The following PRDM1 variants were observed in gnomAD, a reference collection of about 807,000 sequenced individuals.
PRDM1 encodes PR domain zinc finger protein 1.
Under a neutral mutation model 62.8 loss-of-function variants are expected in PRDM1, and 13 were observed. That is an observed-to-expected ratio of 0.21 (90% confidence interval 0.13 to 0.33). The LOEUF is 0.33. Among genes scored for constraint, PRDM1 ranks in the 10% least tolerant of loss-of-function variants. The pLI is 1.00. For synonymous variants in PRDM1, 396 were observed against 417.6 expected, an observed-to-expected ratio of 0.95 and a Z score of 0.63; for missense variants, 895 against 1,058.8, an observed-to-expected ratio of 0.85 and a Z score of 2.15.
At chr6:106,015,486 T>A (rs1772607610) in intron 1 of PRDM1, among the ~76,000 whole-genome samples, 2 of 152,120 alleles carry the variant, frequency 1.3e-5, no homozygotes, top group African/African-American at 4.8e-5. Context: ...ATGCCACCTT[T>A]TGTATGAGAA....
chr6:106,050,120 G>A (rs1773149286), intron 1 of PRDM1, among the ~76,000 whole-genome samples: 1 of 152,180 alleles, frequency 6.6e-6, no homozygotes, highest in African/African-American at 2.4e-5. Context: ...CTGGGCCTCT[G>A]CTTCTATTTC....
upstream of PRDM1, among the ~76,000 whole-genome samples, chr6:106,047,759 T>C (rs903297472): frequency 6.6e-6 from 1 of 152,206 alleles, no homozygotes. Context: ...AACTAGGAGT[T>C]GAGAACCTTT....
chr6:106,092,487 TC>T (rs1279077729), intron 2 of PRDM1, among the ~76,000 whole-genome samples: 2 of 152,214 alleles, frequency 1.3e-5, no homozygotes, highest in Non-Finnish European at 2.9e-5. Flanking sequence ...CCTGGTCAGT[TC>T]CAGTGAAGTT....
chr6:105,998,514 T>G (rs907709350), intron 1 of PRDM1, among the ~76,000 whole-genome samples: 1 of 152,236 alleles, frequency 6.6e-6, no homozygotes, highest in Non-Finnish European at 1.5e-5. Flanking sequence ...GATAGGAAGT[T>G]TATACTGTAA....
intron 4 of PRDM1, among the ~76,000 whole-genome samples, chr6:106,103,011 A>G (rs1378654286): frequency 1.3e-5 from 2 of 152,180 alleles, no homozygotes; most frequent in Non-Finnish European, 2.9e-5. Flanking sequence ...AAAAGTGACA[A>G]TTAGAACTTC....
At chr6:106,021,777 C>T (rs997468050) in intron 1 of PRDM1, among the ~76,000 whole-genome samples, 14 of 152,262 alleles carry the variant, frequency 9.2e-5, no homozygotes, top group South Asian at 2.1e-4. Flanking sequence ...CGCGCCACCA[C>T]GCCCGGCTAA....
Position 106,106,792 on chromosome 6 carries a change from G to T in PRDM1, c.1903-119G>T. The T allele has an allele frequency of 8.5e-7, 1 of 1,174,170 alleles. No homozygotes were observed. Among genetic ancestry groups the T allele is most frequent in the Non-Finnish European group, 1.2e-6 (1 of 833,898 alleles). The allele number at this position is 1,174,170 out of a possible 1,614,324, so 72.7% of individuals were successfully genotyped here. ...ACCACACTGGAGGTGCCACAAGGAGGCTTCTCACCTCCTAGGTTGCTGGGC... is the reference window on the plus strand; with the variant it reads ...ACCACACTGGAGGTGCCACAAGGAGTCTTCTCACCTCCTAGGTTGCTGGGC... On this transcript the variant is annotated intron_variant, in intron 6 of 6. Coordinates refer to ENST00000369096, the MANE Select transcript of PRDM1 (RefSeq NM_001198.4). The surrounding 1 kb of genome is among the most constrained non-coding windows in gnomAD (Gnocchi z 4.4).
At chr6:106,019,648 T>C (rs1387111913) in intron 1 of PRDM1, among the ~76,000 whole-genome samples, 1 of 148,900 alleles carries the variant, frequency 6.7e-6, no homozygotes, top group Non-Finnish European at 1.5e-5. Flanking sequence ...TTTTTTTTTT[T>C]TTTTTTGAGA....
chr6:106,022,407 C>G (rs941068643), intron 1 of PRDM1, among the ~76,000 whole-genome samples: 1 of 151,376 alleles, frequency 6.6e-6, no homozygotes, highest in Admixed American at 6.6e-5. Flanking sequence ...CAGGCATGCA[C>G]CACCACCACG....
At chr6:106,050,858 G>A (rs796250501) in intron 1 of PRDM1, among the ~76,000 whole-genome samples, 12 of 152,104 alleles carry the variant, frequency 7.9e-5, no homozygotes, top group African/African-American at 2.9e-4. Context: ...AAAGTTACAA[G>A]TAAAGCAAAA....
At chr6:106,093,554 T>C (rs1177162531) in intron 2 of PRDM1, among the ~76,000 whole-genome samples, 1 of 152,210 alleles carries the variant, frequency 6.6e-6, no homozygotes, top group Non-Finnish European at 1.5e-5. Flanking sequence ...CACTGAAATA[T>C]GAATGTTAAA....
At chr6:105,997,292 G>A (rs1438242212) in intron 1 of PRDM1, among the ~76,000 whole-genome samples, 1 of 151,854 alleles carries the variant, frequency 6.6e-6, no homozygotes, top group Non-Finnish European at 1.5e-5. Flanking sequence ...TTTATATTGT[G>A]CTAAGTAGTT....
In PRDM1 at chr6:106,041,169, G is replaced by C. The variant is rs1013948144; in HGVS notation, c.-66-47032G>C. 1.8e-4 allele frequency among the ~76,000 whole-genome samples: 28 copies of C among 152,166 alleles called. 1 individual carries two copies. On this transcript the variant is annotated intron_variant, in intron 1 of 6. Transcript: ENST00000652320. The stretch of plus-strand genomic sequence containing the variant: ...TTGTTCTCTCTCCTAGGTCTTTTGA[G>C]CTGGCATTACTATTAATATTACTGT...
At chr6:106,096,361 T>C (rs189204623) in intron 3 of PRDM1, among the ~76,000 whole-genome samples, 9 of 152,308 alleles carry the variant, frequency 5.9e-5, no homozygotes, top group African/African-American at 1.9e-4. Flanking sequence ...TTGGCCATGA[T>C]GGTCTCGATC....
In PRDM1 at chr6:106,106,635, T is replaced by G; in HGVS notation, c.1902+136T>G. 3.1e-6 allele frequency: 4 copies of G among 1,274,986 alleles called. No homozygotes were observed. Among genetic ancestry groups the G allele is most frequent in the Non-Finnish European group, 4.3e-6 (4 of 929,674 alleles). 79.0% of individuals were successfully genotyped at this position (1,274,986 alleles called of 1,614,324 possible). A position where few individuals can be genotyped will look rare whatever the true frequency, so the allele number is the denominator to read the frequency against. On this transcript the variant is annotated intron_variant, in intron 6 of 6. Transcript: ENST00000369096. This position sits in a 1 kb window ranked among gnomAD's most constrained non-coding sequence, Gnocchi z 4.4. ...GTCCCATCCTGGACTGATGGCACTA[T>G]GGTCCTTCCCAGTACTTTGTATCTG...
upstream of PRDM1, among the ~76,000 whole-genome samples, chr6:106,085,528 C>T (rs1382914832): frequency 6.6e-6 from 1 of 152,174 alleles, no homozygotes; most frequent in Non-Finnish European, 1.5e-5. Context: ...CACAGGATGT[C>T]CTTCCTTCAA....
chr6:106,107,584 C>G lies in PRDM1; in HGVS notation c.*98C>G, dbSNP rs1482943649. The G allele has an allele frequency of 6.4e-6, 7 of 1,092,964 alleles. No homozygotes were observed. The highest frequency in any genetic ancestry group is 6.4e-6 in the Non-Finnish European group (5 of 782,090). The allele number at this position is 1,092,964 out of a possible 1,614,324, so 67.7% of individuals were successfully genotyped here. A position where few individuals can be genotyped will look rare whatever the true frequency, so the allele number is the denominator to read the frequency against. ...TGTACATAATCCCAGCTCTGCAAAGCTCTCTCGACAGCAAATGGTTTCCCC... is the reference window on the plus strand; with the variant it reads ...TGTACATAATCCCAGCTCTGCAAAGGTCTCTCGACAGCAAATGGTTTCCCC... On this transcript the variant is annotated 3_prime_UTR_variant, in exon 7 of 7. Coordinates refer to ENST00000369096, the MANE Select transcript of PRDM1 (RefSeq NM_001198.4).
intron 1 of PRDM1, among the ~76,000 whole-genome samples, chr6:106,041,938 G>A (rs186429616): frequency 7.0e-4 from 105 of 150,508 alleles, no homozygotes; most frequent in African/African-American, 2.3e-3. Context: ...CTCCCAGGTA[G>A]CTCAGACCAC....
At chr6:106,099,033 T>G (rs570438676) in intron 3 of PRDM1, 19 of 1,612,162 alleles carry the variant, frequency 1.2e-5, no homozygotes, top group Admixed American at 1.7e-5. Context: ...AATGAACATT[T>G]GTGTTTCATT....
Sources: gnomAD v4.1 joint callset for allele counts (sites outside exome capture counted in the v4.1 genomes callset) on GRCh38, gnomAD v4.1.1 for gene constraint, Gnocchi (gnomAD v3.1) non-coding constraint, MANE v1.5 for transcripts, NCBI Gene and HGNC (gene_info 2026-07-23, HGNC 2026-07-21) for gene names.